Variants in GATB observed in about 807,000 individuals in gnomAD.
GATB encodes the protein glutamyl-tRNA amidotransferase subunit B, also known as glutamyl-tRNA(Gln) amidotransferase subunit B, mitochondrial.
GATB carries 39 observed loss-of-function variants against 62.3 expected under a neutral mutation model. That is an observed-to-expected ratio of 0.63 (90% CI 0.48 to 0.82). The LOEUF is 0.82. Ranked by LOEUF, GATB falls within the 40% of genes least tolerant of loss-of-function variation. GATB has a pLI of 0.00. For missense variants in GATB, 670 were observed against 684.0 expected (o/e 0.98, Z 0.23); for synonymous variants, 276 against 258.9 (o/e 1.07, Z -0.63).
intron 6 of GATB, among the ~76,000 whole-genome samples, chr4:151,707,303 T>A (rs1738733683): frequency 6.6e-6 from 1 of 152,160 alleles, no homozygotes; most frequent in Non-Finnish European, 1.5e-5. Context: ...ATTTTCTTTT[T>A]TTTTCTTAGA....
intron 5 of GATB, among the ~76,000 whole-genome samples, chr4:151,712,460 C>G (rs1418087032): frequency 6.6e-6 from 1 of 152,136 alleles, no homozygotes; most frequent in Non-Finnish European, 1.5e-5. Context: ...CTAAAAAAAA[C>G]TATACCACTG....
Position 151,679,858 on chromosome 4 carries a change from A to G in GATB, c.1365T>C (p.Leu455=). Residue 455 remains leucine, a synonymous_variant, in exon 11 of 13, where the codon CTT becomes CTC. Coordinates refer to ENST00000263985, the MANE Select transcript of GATB (RefSeq NM_004564.3). ...AAATTGTTCTGCTGTCCAGCAGGTCAAGAAGCTCAGCGAGTGCAGAGGGTG... is the reference window on the plus strand; with the variant it reads ...AAATTGTTCTGCTGTCCAGCAGGTCGAGAAGCTCAGCGAGTGCAGAGGGTG... ...PVTPSALAEL[L]DLLDSRTISS... is the part of the protein sequence containing the mutation. 6.2e-7 allele frequency: 1 copy of G among 1,614,160 alleles called. No individual in the cohort carries two copies. The highest frequency in any genetic ancestry group is 8.5e-7 in the Non-Finnish European group (1 of 1,180,018).
At chr4:151,750,112 A>C (rs1578941495) in intron 2 of GATB, among the ~76,000 whole-genome samples, 1 of 152,024 alleles carries the variant, frequency 6.6e-6, no homozygotes, top group African/African-American at 2.4e-5. Context: ...CAATCTCCTG[A>C]CCTCGTGATC....
At chr4:151,757,590 A>G (rs1244138186) in intron 2 of GATB, among the ~76,000 whole-genome samples, 1 of 148,696 alleles carries the variant, frequency 6.7e-6, no homozygotes, top group East Asian at 2.0e-4. Context: ...CTCCTGCCTC[A>G]GCCTCCCCAG....
rs116751077 is a variant in GATB, at chr4:151,672,054, G to C, written c.1545+708C>G. Among the ~76,000 whole-genome samples the C allele has an allele frequency of 3.4e-3, 519 of 152,316 alleles. 3 individuals are homozygous for C. Among genetic ancestry groups the C allele is most frequent in the African/African-American group, 0.012 (493 of 41,570 alleles). On this transcript the variant is annotated intron_variant, in intron 12 of 12. Coordinates refer to ENST00000263985, the MANE Select transcript of GATB (RefSeq NM_004564.3). ...CCAGTGCAGGCTCATTTTCCTTATC[G>C]AGAGCTCTTTACAGAGCTGTGAGTG...
rs141105531 is a variant in GATB at position 151,685,529 on chromosome 4, G to A, written c.1331+3101C>T. Among the ~76,000 whole-genome samples, 79 of 152,186 alleles carry A rather than the reference G, an allele frequency of 5.2e-4. 1 individual carries two copies. Among genetic ancestry groups the A allele is most frequent in the Non-Finnish European group, 9.4e-4 (64 of 68,010 alleles). On this transcript the variant is annotated intron_variant, in intron 10 of 12. Coordinates refer to ENST00000263985, the MANE Select transcript of GATB (RefSeq NM_004564.3). ...TCCACCCTCTGCTCCTGCCAGCTAC[G>A]CTCCTCTCCTTCCCAATCATTCCAG...
rs143795148 is a variant in GATB, at chr4:151,757,772, C to T, written c.327+1000G>A. ...GATTACAGGCGTGAGCCACCGCGCC[C>T]GGCCTCAACCAGCTTCCACTCTTAT... On this transcript the variant is annotated intron_variant, in intron 2 of 12. Coordinates refer to ENST00000263985, the MANE Select transcript of GATB (RefSeq NM_004564.3). 4.8e-3 allele frequency among the ~76,000 whole-genome samples: 735 copies of T among 152,094 alleles called. 2 individuals carry two copies. Among genetic ancestry groups the T allele is most frequent in the South Asian group, 0.014 (68 of 4,812 alleles).
At chr4:151,731,516 C>A (rs2126986279) in intron 2 of GATB, among the ~76,000 whole-genome samples, 1 of 152,328 alleles carries the variant, frequency 6.6e-6, no homozygotes, top group East Asian at 1.9e-4. Context: ...GCCGAGATTG[C>A]AGCCTCTGCC....
chr4:151,682,055 A>G (rs1421725818), intron 10 of GATB, among the ~76,000 whole-genome samples: 1 of 152,238 alleles, frequency 6.6e-6, no homozygotes, highest in African/African-American at 2.4e-5. Context: ...GAGGGACAGA[A>G]AAGGAACACA....
chr4:151,715,901 G>T, intron 5 of GATB, 108 bp downstream of exon 5: 1 of 1,247,974 alleles, frequency 8.0e-7, no homozygotes, highest in Non-Finnish European at 1.1e-6. Context: ...GGAAAAAATG[G>T]CTGCAAACAA....
At chr4:151,733,430 T>C (rs1040134673) in intron 2 of GATB, among the ~76,000 whole-genome samples, 1 of 152,158 alleles carries the variant, frequency 6.6e-6, no homozygotes, top group African/African-American at 2.4e-5. Context: ...AAGAATTAGA[T>C]ACCCTGAACA....
At chr4:151,724,808 C>T (rs1340187805) in intron 2 of GATB, among the ~76,000 whole-genome samples, 2 of 152,104 alleles carry the variant, frequency 1.3e-5, no homozygotes, top group African/African-American at 2.4e-5. Context: ...AGACTGAGTT[C>T]CCTGAGGGCA....
chr4:151,731,929 G>A (rs1355201669), intron 2 of GATB, among the ~76,000 whole-genome samples: 12 of 147,508 alleles, frequency 8.1e-5, no homozygotes, highest in African/African-American at 2.8e-4. Context: ...GTCAGCCCCC[G>A]CCGGGCCAGC....
chr4:151,717,090 G>A lies in GATB; in HGVS notation c.442-16C>T. On this transcript the variant is annotated splice_polypyrimidine_tract_variant and intron_variant, in intron 3 of 12. Transcript: ENST00000263985. ...GGTAGCCTGCCTGCACACAAACATA[G>A]GGTAAACATAGTCACTGGTCCACAC... 4 of 1,612,374 alleles carry A rather than the reference G, an allele frequency of 2.5e-6. No individual in the cohort carries two copies. The highest frequency in any genetic ancestry group is 3.4e-6 in the Non-Finnish European group (4 of 1,178,612).
In GATB at chr4:151,714,600, G is replaced by A. The variant is rs113793225; in HGVS notation, c.763+1409C>T. On this transcript the variant is annotated intron_variant, in intron 5 of 12. Transcript: ENST00000263985. ...TGACTGATGAGTTCTTGCCACTATC[G>A]TTTATCTCTTGGCAAGGACCCAGAT... Among the ~76,000 whole-genome samples the A allele has an allele frequency of 5.3e-3, 809 of 152,278 alleles. 8 individuals are homozygous for A. The highest frequency in any genetic ancestry group is 0.018 in the African/African-American group (734 of 41,560).
intron 10 of GATB, among the ~76,000 whole-genome samples, chr4:151,687,285 C>G (rs1400062797): frequency 6.6e-6 from 1 of 152,242 alleles, no homozygotes; most frequent in Non-Finnish European, 1.5e-5. Context: ...GTCCTGCAGG[C>G]AGCTCGAAGT....
intron 1 of GATB, 56 bp downstream of exon 1, chr4:151,760,751 C>T (rs546931225): frequency 2.1e-6 from 3 of 1,451,210 alleles, no homozygotes; most frequent in South Asian, 2.9e-5. Flanking sequence ...ATTATTTCCC[C>T]AGTCCTGCAG....
At chr4:151,731,673 C>T (rs537605238) in intron 2 of GATB, among the ~76,000 whole-genome samples, 1 of 151,958 alleles carries the variant, frequency 6.6e-6, no homozygotes, top group Non-Finnish European at 1.5e-5. Context: ...AAGTGAGGAG[C>T]GTCTCTGCCC....
chr4:151,679,797 G>A lies in GATB; in HGVS notation c.1410+16C>T, dbSNP rs1247732474. Reference sequence around the variant, plus strand: ...GACAGTAGCACAGTCAGAAGCTGTCGGGAGTGTGGACATACCTGTTTAGCT... The same window carrying A: ...GACAGTAGCACAGTCAGAAGCTGTCAGGAGTGTGGACATACCTGTTTAGCT... On this transcript the variant is annotated intron_variant, in intron 11 of 12. Coordinates refer to ENST00000263985, the MANE Select transcript of GATB (RefSeq NM_004564.3). 23 of 1,607,060 alleles carry A rather than the reference G, an allele frequency of 1.4e-5. No homozygotes were observed. Among genetic ancestry groups the A allele is most frequent in the Non-Finnish European group, 1.9e-5 (22 of 1,173,584 alleles).
Sources: gnomAD v4.1 joint callset for allele counts (sites outside exome capture counted in the v4.1 genomes callset) on GRCh38, gnomAD v4.1.1 for gene constraint, MANE v1.5 for transcripts, NCBI Gene and HGNC (gene_info 2026-07-23, HGNC 2026-07-21) for gene names.